The following PKN3 variants were observed in gnomAD, a reference collection of about 807,000 sequenced individuals.
PKN3 encodes protein kinase N3.
A neutral mutation model predicts 113.1 loss-of-function variants in PKN3; 91 were observed. The observed-to-expected ratio is 0.80, with a 90% CI of 0.68 to 0.96. PKN3 has a LOEUF of 0.96. Among genes scored for constraint, PKN3 ranks in the 40% least tolerant of loss-of-function variants. PKN3 has a pLI of 0.00. For synonymous variants in PKN3, 467 were observed against 499.0 expected (o/e 0.94, Z 0.85); for missense variants, 1,052 against 1,202.2 (o/e 0.88, Z 1.85).
chr9:128,719,729 G>A lies in PKN3; in HGVS notation c.2169G>A (p.Pro723=), dbSNP rs554188185. The stretch of plus-strand genomic sequence containing the variant: ...GGACTAGCACCTTCTGTGGCACCCC[G>A]GAGTTCCTGGCTCCCGAGGTGCTGA... ...GDRTSTFCGT[P]EFLAPEVLTQ... Residue 723 remains proline, a synonymous_variant, in exon 19 of 22, where the codon CCG becomes CCA. Coordinates refer to ENST00000291906, the MANE Select transcript of PKN3 (RefSeq NM_013355.5). The A allele has an allele frequency of 1.0e-4, 167 of 1,591,682 alleles. 4 individuals carry two copies. In the South Asian group the frequency reaches 1.6e-3, roughly 15 times the overall value.
intron 1 of PKN3, chr9:128,704,056 TG>T: frequency 2.3e-6 from 2 of 864,440 alleles, no homozygotes; most frequent in Non-Finnish European, 2.6e-6. Context: ...CGCTGAGGTC[TG>T]GGGTGGGGGG....
chr9:128,712,037 G>T (rs1332175884), intron 6 of PKN3, among the ~76,000 whole-genome samples: 1 of 152,104 alleles, frequency 6.6e-6, no homozygotes, highest in African/African-American at 2.4e-5. Context: ...AGCCTTCCGA[G>T]TAGCTGGGAT....
intron 1 of PKN3, chr9:128,704,098 A>T: frequency 1.0e-6 from 1 of 985,200 alleles, no homozygotes; most frequent in Non-Finnish European, 1.2e-6. Flanking sequence ...GGCCCCTTCC[A>T]CTGGGCTCAG....
rs775876541 is a variant in PKN3, at chr9:128,716,736, C to T, written c.1809-11C>T. On this transcript the variant is annotated splice_polypyrimidine_tract_variant and intron_variant, in intron 15 of 21. Transcript: ENST00000291906. ...TTTCCTTCCCTCTAATACTCTTGCT[C>T]TCTCCTGTAGCCTGTACTGCGAGAA... The T allele has an allele frequency of 2.1e-5, 34 of 1,612,258 alleles. No individual in the cohort carries two copies. The highest frequency in any genetic ancestry group is 1.7e-4 in the Middle Eastern group (1 of 6,050).
In PKN3 at chr9:128,715,444, C is replaced by T. The variant is rs140230260; in HGVS notation, c.1792C>T (p.Arg598Trp). 6.3e-4 allele frequency: 1,019 copies of T among 1,613,512 alleles called. 1 individual carries two copies. Among genetic ancestry groups the T allele is most frequent in the Non-Finnish European group, 8.3e-4 (985 of 1,179,768 alleles). ...KALKKQEVLS[R>W]DEIESLYCEK... ...ACTGAAGAAGCAGGAGGTGCTCAGC[C>T]GGGACGAGATAGAGAGGTGTGTGGG... Residue 598 changes from arginine to tryptophan, a missense_variant, in exon 15 of 22, where the codon CGG becomes TGG. Arg to Trp is a moderately radical substitution (Grantham distance 101, BLOSUM62 -3). Around this residue, in one of 2 missense-constraint regions of PKN3, gnomAD observed 333 missense variants for 442.8 expected, o/e 0.75. Coordinates refer to ENST00000291906, the MANE Select transcript of PKN3 (RefSeq NM_013355.5). This position sits in a 1 kb window ranked among gnomAD's most constrained non-coding sequence, Gnocchi z 4.1.
chr9:128,703,871 C>T (rs1205226470), intron 1 of PKN3: 1 of 985,358 alleles, frequency 1.0e-6, no homozygotes, highest in Non-Finnish European at 1.2e-6. Flanking sequence ...TTCCGATTTC[C>T]TGCGGGGCTC....
chr9:128,720,639 C>T lies in PKN3; in HGVS notation c.*33C>T, dbSNP rs373307437. ...TCCTGGCACCTCTGTCCCCTTCCCC[C>T]ACAGACTGTTAGAGCCTCTGCTCGT... On this transcript the variant is annotated 3_prime_UTR_variant, in exon 22 of 22. Coordinates refer to ENST00000291906, the MANE Select transcript of PKN3 (RefSeq NM_013355.5). This position sits in a 1 kb window ranked among gnomAD's most constrained non-coding sequence, Gnocchi z 5.5. The T allele has an allele frequency of 1.4e-5, 22 of 1,576,280 alleles. No homozygotes were observed. The highest frequency in any genetic ancestry group is 1.9e-5 in the Non-Finnish European group (22 of 1,151,040).
chr9:128,708,475 T>G (rs4836621), intron 6 of PKN3, among the ~76,000 whole-genome samples: 135,473 of 151,838 alleles, frequency 0.89, 62,481 homozygotes, highest in East Asian at 1. Flanking sequence ...CCTGGCACTT[T>G]GAGAGGCTGA....
In PKN3 at chr9:128,714,028, C is replaced by T. The variant is rs768992202; in HGVS notation, c.1237-18C>T. ...GATGGGAGGCGACTGGTCCACAACCCTGCCCCTACCCCTGCAGGTGACCTT... is the reference window on the plus strand; with the variant it reads ...GATGGGAGGCGACTGGTCCACAACCTTGCCCCTACCCCTGCAGGTGACCTT... On this transcript the variant is annotated intron_variant, in intron 9 of 21. Coordinates refer to ENST00000291906, the MANE Select transcript of PKN3 (RefSeq NM_013355.5). 1.9e-6 allele frequency: 3 copies of T among 1,613,790 alleles called. No individual in the cohort carries two copies. In the South Asian group the frequency reaches 3.3e-5, roughly 18 times the overall value.
Position 128,705,539 on chromosome 9 carries a change from A to T in PKN3, c.261A>T (p.Pro87=). 1 of 1,555,362 alleles carries T rather than the reference A, an allele frequency of 6.4e-7. No homozygotes were observed. The highest frequency in any genetic ancestry group is 8.7e-7 in the Non-Finnish European group (1 of 1,150,216). The change falls in exon 2 of 22, where the codon CCA becomes CCT. Residue 87 remains proline (P), a synonymous_variant. Transcript: ENST00000291906. ...RILLPGPGPG[P]AEPVASGPRP... Reference sequence around the variant, plus strand: ...TGCTGCCCGGCCCTGGGCCTGGCCCAGCTGGTGAGTGAGGAGCTGAGACCC... The same window carrying T: ...TGCTGCCCGGCCCTGGGCCTGGCCCTGCTGGTGAGTGAGGAGCTGAGACCC...
chr9:128,712,241 C>T (rs1862202684), intron 6 of PKN3, among the ~76,000 whole-genome samples: 1 of 152,132 alleles, frequency 6.6e-6, no homozygotes, highest in South Asian at 2.1e-4. Flanking sequence ...TCTTTCTACC[C>T]TGGACCCCTG....
intron 1 of PKN3, chr9:128,703,533 G>T: frequency 1.0e-6 from 1 of 985,452 alleles, no homozygotes; most frequent in Non-Finnish European, 1.2e-6. Context: ...CAGTAGGTGC[G>T]CGTGGGCCCG....
At position 128,703,719 on chromosome 9, in the gene PKN3, G is replaced by T. The variant is rs941307738; in HGVS notation, c.24+780G>T. On this transcript the variant is annotated intron_variant, in intron 1 of 21. Transcript: ENST00000291906. Reference sequence around the variant, plus strand: ...AACCCAGGGCAGACGGGACCATGGGGGTGTTGCGGGGTGCGTGTAGACTCC... The same window carrying T: ...AACCCAGGGCAGACGGGACCATGGGTGTGTTGCGGGGTGCGTGTAGACTCC... The T allele has an allele frequency of 3.0e-6, 3 of 985,302 alleles. No individual in the cohort carries two copies. In the African/African-American group the frequency reaches 5.2e-5, roughly 17 times the overall value. The allele number at this position is 985,302 out of a possible 1,614,324, so 61.0% of individuals were successfully genotyped here. A position where few individuals can be genotyped will look rare whatever the true frequency, so the allele number is the denominator to read the frequency against.
intron 6 of PKN3, among the ~76,000 whole-genome samples, chr9:128,709,608 C>T (rs1168261788): frequency 5.9e-5 from 9 of 151,654 alleles, no homozygotes; most frequent in South Asian, 4.2e-4. Context: ...CAAAATTAGC[C>T]GGGCCTGGTG....
chr9:128,709,549 C>T (rs1033271383), intron 6 of PKN3, among the ~76,000 whole-genome samples: 5 of 151,422 alleles, frequency 3.3e-5, no homozygotes, highest in Admixed American at 1.3e-4. Flanking sequence ...GTCGGGAGTT[C>T]GAGAGCAGCC....
intron 17 of PKN3, 68 bp downstream of exon 17, chr9:128,718,455 G>A (rs911099591): frequency 1.1e-5 from 18 of 1,580,542 alleles, no homozygotes; most frequent in African/African-American, 1.1e-4. Flanking sequence ...AAGGACAGAT[G>A]CTGCCTCCGC....
Position 128,714,939 on chromosome 9 carries a change from A to G in PKN3, c.1652+74A>G, listed in dbSNP as rs187153520. On this transcript the variant is annotated intron_variant, in intron 13 of 21. Coordinates refer to ENST00000291906, the MANE Select transcript of PKN3 (RefSeq NM_013355.5). Reference sequence around the variant, plus strand: ...TGAACATTTGTGTATCCATTCATACATTACTCCCTGGCTCCCTGGCGGGTG... The same window carrying G: ...TGAACATTTGTGTATCCATTCATACGTTACTCCCTGGCTCCCTGGCGGGTG... 1.7e-4 allele frequency: 247 copies of G among 1,416,052 alleles called. 1 individual carries two copies. In the Middle Eastern group the frequency reaches 5.1e-3, roughly 29 times the overall value. 87.7% of individuals were successfully genotyped at this position (1,416,052 alleles called of 1,614,324 possible). A position where few individuals can be genotyped will look rare whatever the true frequency, so the allele number is the denominator to read the frequency against.
In PKN3 at chr9:128,715,352, C is replaced by A. The variant is rs751000624; in HGVS notation, c.1717-17C>A. ...CTGGTCTGGCCCACCTGGAGCACAA[C>A]CTCTCTCTGGCCCCAGGTCCTCCTG... On this transcript the variant is annotated splice_polypyrimidine_tract_variant and intron_variant, in intron 14 of 21. Transcript: ENST00000291906. This position sits in a 1 kb window ranked among gnomAD's most constrained non-coding sequence, Gnocchi z 4.1. The A allele has an allele frequency of 6.2e-7, 1 of 1,612,012 alleles. No individual in the cohort carries two copies. Among genetic ancestry groups the A allele is most frequent in the South Asian group, 1.1e-5 (1 of 91,056 alleles).
intron 16 of PKN3, 81 bp downstream of exon 16, chr9:128,717,004 C>T: frequency 8.3e-7 from 1 of 1,198,012 alleles, no homozygotes. Context: ...ACTGCTTTCT[C>T]CAAGTGCCCA....
Sources: gnomAD v4.1 joint callset for allele counts (sites outside exome capture counted in the v4.1 genomes callset) on GRCh38, gnomAD v4.1.1 for gene constraint, gnomAD v4.1.1 regional missense constraint, Gnocchi (gnomAD v3.1) non-coding constraint, MANE v1.5 for transcripts, NCBI Gene and HGNC (gene_info 2026-07-23, HGNC 2026-07-21) for gene names.